Variants in RALYL observed in about 807,000 individuals in gnomAD.
RALYL encodes RNA-binding Raly-like protein.
A neutral mutation model predicts 35.1 loss-of-function variants in RALYL; 29 were observed. The observed-to-expected ratio is 0.83, with a 90% CI of 0.61 to 1.13. RALYL has a LOEUF of 1.13. Ranked by LOEUF, RALYL falls within the 50% of genes most tolerant of loss-of-function variation. The pLI is 0.00. For synonymous variants in RALYL, 120 were observed against 127.6 expected, an observed-to-expected ratio of 0.94 and a Z score of 0.40; for missense variants, 359 against 360.4, an observed-to-expected ratio of 1.00 and a Z score of 0.03.
At chr8:84,506,884 G>A (rs1318336515) in intron 1 of RALYL, among the ~76,000 whole-genome samples, 2 of 151,910 alleles carry the variant, frequency 1.3e-5, no homozygotes, top group Non-Finnish European at 2.9e-5. Context: ...CTCTTCTGAA[G>A]GTAACAAAGG....
chr8:84,622,967 C>T (rs1821891490), intron 2 of RALYL, among the ~76,000 whole-genome samples: 2 of 152,090 alleles, frequency 1.3e-5, no homozygotes, highest in South Asian at 2.1e-4. Context: ...AGTCATGTAA[C>T]ATTTTCAGTG....
rs929369365 is a variant in RALYL at position 84,341,786 on chromosome 8, T to C, written c.-24+157362T>C. Among the ~76,000 whole-genome samples, 6 of 152,098 alleles carry C rather than the reference T, an allele frequency of 3.9e-5. No individual in the cohort carries two copies. In the South Asian group the frequency reaches 6.2e-4, roughly 16 times the overall value. On this transcript the variant is annotated intron_variant, in intron 1 of 8. Transcript: ENST00000521268. ...TGTGAACCAGCTGTAAAGATAACCATTGTACAGATACATTTCACCCATCTA... is the reference window on the plus strand; with the variant it reads ...TGTGAACCAGCTGTAAAGATAACCACTGTACAGATACATTTCACCCATCTA...
intron 1 of RALYL, among the ~76,000 whole-genome samples, chr8:84,455,057 T>G (rs2049975680): frequency 1.3e-5 from 2 of 151,978 alleles, no homozygotes; most frequent in African/African-American, 4.8e-5. Context: ...TTCTTTGCCA[T>G]GCAAAGGGGA....
chr8:84,498,446 G>T (rs943837296), intron 1 of RALYL, among the ~76,000 whole-genome samples: 3 of 151,954 alleles, frequency 2.0e-5, no homozygotes, highest in Non-Finnish European at 4.4e-5. Flanking sequence ...TGACTAAAAA[G>T]CCTCATCGAA....
intron 2 of RALYL, among the ~76,000 whole-genome samples, chr8:84,551,255 C>A (rs927578330): frequency 6.6e-6 from 1 of 151,932 alleles, no homozygotes; most frequent in Non-Finnish European, 1.5e-5. Flanking sequence ...TGTCAAGTTT[C>A]TTTAACAACA....
chr8:84,790,955 A>C (rs1481777686), intron 3 of RALYL, among the ~76,000 whole-genome samples: 3 of 152,180 alleles, frequency 2.0e-5, no homozygotes, highest in African/African-American at 7.2e-5. Context: ...GTACTGAGAA[A>C]CCTTTAGGCT....
intron 2 of RALYL, among the ~76,000 whole-genome samples, chr8:84,582,072 G>T (rs571835288): frequency 1.7e-4 from 26 of 152,102 alleles, no homozygotes; most frequent in African/African-American, 5.8e-4. Context: ...ACAAAATTAG[G>T]ATTGTTAGCT....
At chr8:84,257,710 T>A (rs1266556501) in intron 1 of RALYL, among the ~76,000 whole-genome samples, 1 of 152,042 alleles carries the variant, frequency 6.6e-6, no homozygotes, top group Non-Finnish European at 1.5e-5. Flanking sequence ...TCAAAGCATC[T>A]TTTCTCTGTG....
chr8:84,653,850 T>C (rs1038271214), intron 2 of RALYL, among the ~76,000 whole-genome samples: 34 of 151,896 alleles, frequency 2.2e-4, no homozygotes, highest in Admixed American at 1.9e-3. Flanking sequence ...ATTTTAACTT[T>C]TTTATCTTAA....
intron 1 of RALYL, among the ~76,000 whole-genome samples, chr8:84,450,147 A>G (rs184056293): frequency 5.3e-4 from 80 of 152,070 alleles, no homozygotes; most frequent in Middle Eastern, 6.8e-3. Context: ...TACTAAAATG[A>G]TACAGCTTAT....
At chr8:84,620,594 C>A (rs1366223864) in intron 2 of RALYL, among the ~76,000 whole-genome samples, 2 of 152,128 alleles carry the variant, frequency 1.3e-5, no homozygotes, top group African/African-American at 4.8e-5. Context: ...TCTCTCAGCT[C>A]GTCAAAGTCA....
chr8:84,376,379 A>G (rs568419097), intron 1 of RALYL, among the ~76,000 whole-genome samples: 2 of 151,960 alleles, frequency 1.3e-5, no homozygotes, highest in Middle Eastern at 6.8e-3. Context: ...ATTGTATAGA[A>G]GTTTTATTGT....
At chr8:84,741,095 G>T (rs922026022) in intron 2 of RALYL, among the ~76,000 whole-genome samples, 2 of 151,992 alleles carry the variant, frequency 1.3e-5, no homozygotes, top group African/African-American at 4.8e-5. Flanking sequence ...CCCCAAAATG[G>T]AGTTGGGAGC....
At chr8:84,513,205 A>C (rs1188185378) in intron 1 of RALYL, among the ~76,000 whole-genome samples, 1 of 152,040 alleles carries the variant, frequency 6.6e-6, no homozygotes, top group East Asian at 1.9e-4. Flanking sequence ...TCATCAGTAG[A>C]TGTTTTTCCT....
At chr8:84,341,188 G>A (rs192485888) in intron 1 of RALYL, among the ~76,000 whole-genome samples, 191 of 105,546 alleles carry the variant, frequency 1.8e-3, no homozygotes, top group African/African-American at 5.7e-3. Flanking sequence ...CCATTGATTT[G>A]TAGGAGTTTT....
chr8:84,306,983 T>G (rs972397076), intron 1 of RALYL, among the ~76,000 whole-genome samples: 3 of 151,796 alleles, frequency 2.0e-5, no homozygotes, highest in African/African-American at 7.3e-5. Flanking sequence ...CTACTTGGAG[T>G]GGATGTGGGG....
At chr8:84,685,298 T>C (rs1371211254) in intron 2 of RALYL, among the ~76,000 whole-genome samples, 3 of 152,082 alleles carry the variant, frequency 2.0e-5, no homozygotes, top group African/African-American at 4.8e-5. Flanking sequence ...AGAGAGAAGA[T>C]ACAGTCTACT....
chr8:84,277,909 T>G, intron 1 of RALYL, among the ~76,000 whole-genome samples: 1 of 152,122 alleles, frequency 6.6e-6, no homozygotes, highest in East Asian at 1.9e-4. Context: ...TGGCATTGAG[T>G]GTCTGTGGCT....
intron 2 of RALYL, among the ~76,000 whole-genome samples, chr8:84,740,030 A>G (rs985427343): frequency 2.0e-5 from 3 of 151,948 alleles, no homozygotes; most frequent in Non-Finnish European, 4.4e-5. Context: ...AGCAGGAAGA[A>G]AAAATAGAAT....
Sources: allele counts gnomAD v4.1 joint callset (sites outside exome capture counted in the v4.1 genomes callset), GRCh38; gene constraint gnomAD v4.1.1; transcripts MANE v1.5; gene names NCBI Gene and HGNC (gene_info 2026-07-23, HGNC 2026-07-21).